The following TENM2 variants were observed in gnomAD, a reference collection of about 807,000 sequenced individuals.
TENM2 encodes the protein teneurin transmembrane protein 2.
A neutral mutation model predicts 245.2 loss-of-function variants in TENM2; 52 were observed. The observed-to-expected ratio is 0.21, with a 90% CI of 0.17 to 0.27. The LOEUF (loss-of-function observed/expected upper bound fraction) is 0.27, where lower values mean the gene tolerates loss of function less well. TENM2 is among the 10% of genes least tolerant of loss of function. The probability of loss-of-function intolerance (pLI) is 1.00; values close to 1 mark genes in which losing one functional copy is unlikely to be tolerated. For synonymous variants in TENM2, 1,363 were observed against 1,438.9 expected, an observed-to-expected ratio of 0.95 and a Z score of 1.19; for missense variants, 3,046 against 3,666.8, an observed-to-expected ratio of 0.83 and a Z score of 4.37.
chr5:167,073,313 C>A, the TENM2 span, among the ~76,000 whole-genome samples: 3 of 152,254 alleles, frequency 2.0e-5, no homozygotes, highest in South Asian at 6.2e-4. Context: ...GTGGAGCACT[C>A]CTGTAAAGCC....
chr5:167,337,031 G>A (rs1757807074), intron 1 of TENM2, among the ~76,000 whole-genome samples: 1 of 145,044 alleles, frequency 6.9e-6, no homozygotes, highest in African/African-American at 2.5e-5. Flanking sequence ...GCAGGAGAAT[G>A]GCGTGAACCC....
At chr5:167,009,920 A>T in the TENM2 span, among the ~76,000 whole-genome samples, 1 of 152,224 alleles carries the variant, frequency 6.6e-6, no homozygotes, top group Non-Finnish European at 1.5e-5. Flanking sequence ...TACACTTCTT[A>T]AATGGGTAAG....
the TENM2 span, among the ~76,000 whole-genome samples, chr5:167,162,275 G>A: frequency 2.0e-5 from 3 of 151,748 alleles, no homozygotes; most frequent in Non-Finnish European, 4.4e-5. Context: ...TTGAGAATAT[G>A]TTATATTCTC....
chr5:167,413,551 C>T (rs1253867569), intron 2 of TENM2, among the ~76,000 whole-genome samples: 1 of 152,130 alleles, frequency 6.6e-6, no homozygotes, highest in African/African-American at 2.4e-5. Flanking sequence ...CTTTAAGGCT[C>T]ACATACCTGA....
At chr5:167,989,907 C>T (rs573623132) in intron 4 of TENM2, among the ~76,000 whole-genome samples, 20 of 152,144 alleles carry the variant, frequency 1.3e-4, no homozygotes, top group South Asian at 4.2e-4. Context: ...CAATGCACAA[C>T]GGGATGTGGG....
the TENM2 span, among the ~76,000 whole-genome samples, chr5:167,257,274 A>G: frequency 1.0e-3 from 155 of 152,218 alleles, 3 homozygotes; most frequent in Non-Finnish European, 1.9e-3. Context: ...TGCTTGTTCT[A>G]CTAGATACAT....
chr5:168,034,808 A>G, intron 5 of TENM2, among the ~76,000 whole-genome samples: 1 of 152,118 alleles, frequency 6.6e-6, no homozygotes, highest in East Asian at 1.9e-4. Context: ...ATAGTATGAT[A>G]AAATGTCCAG....
the TENM2 span, among the ~76,000 whole-genome samples, chr5:167,276,075 T>A: frequency 6.6e-6 from 1 of 152,046 alleles, no homozygotes; most frequent in Non-Finnish European, 1.5e-5. Flanking sequence ...GTAATTGTGT[T>A]TATATATTAC....
chr5:167,273,639 G>A, the TENM2 span, among the ~76,000 whole-genome samples: 31 of 152,164 alleles, frequency 2.0e-4, no homozygotes, highest in Non-Finnish European at 3.7e-4. Flanking sequence ...CTAGCTTTTT[G>A]TGATCCTTTC....
chr5:167,276,494 T>C, the TENM2 span, among the ~76,000 whole-genome samples: 1 of 152,156 alleles, frequency 6.6e-6, no homozygotes, highest in South Asian at 2.1e-4. Flanking sequence ...TGAGTTGTCA[T>C]ATGAAATATT....
chr5:167,014,766 C>G, the TENM2 span, among the ~76,000 whole-genome samples: 1 of 152,180 alleles, frequency 6.6e-6, no homozygotes, highest in Non-Finnish European at 1.5e-5. Flanking sequence ...AGATTCAACG[C>G]TGCTTAGAGT....
At chr5:167,107,610 G>A in the TENM2 span, among the ~76,000 whole-genome samples, 52 of 152,268 alleles carry the variant, frequency 3.4e-4, no homozygotes, top group East Asian at 7.0e-3. Flanking sequence ...GGTTCCTCTC[G>A]CTTCCACTAG....
intron 2 of TENM2, among the ~76,000 whole-genome samples, chr5:167,846,184 G>T (rs1363997593): frequency 6.6e-6 from 1 of 152,172 alleles, no homozygotes; most frequent in Non-Finnish European, 1.5e-5. Context: ...CCTCACTGAA[G>T]TGTGGATTCC....
the TENM2 span, among the ~76,000 whole-genome samples, chr5:167,012,682 G>A: frequency 2.0e-5 from 3 of 152,136 alleles, no homozygotes; most frequent in African/African-American, 7.2e-5. Context: ...CCAACCAAAG[G>A]GAGATGTAGG....
chr5:167,879,089 T>C (rs1013596156), intron 3 of TENM2, among the ~76,000 whole-genome samples: 4 of 152,322 alleles, frequency 2.6e-5, no homozygotes, highest in African/African-American at 4.8e-5. Flanking sequence ...GAGGAGCACC[T>C]GTTCTATAGA....
chr5:168,040,833 G>A (rs1033601212), intron 5 of TENM2, among the ~76,000 whole-genome samples: 3 of 152,024 alleles, frequency 2.0e-5, no homozygotes, highest in Non-Finnish European at 4.4e-5. Context: ...AACTGACAAG[G>A]GAAAAAACAC....
At chr5:167,320,096 A>T in intron 1 of TENM2, among the ~76,000 whole-genome samples, 1 of 152,320 alleles carries the variant, frequency 6.6e-6, no homozygotes, top group Non-Finnish European at 1.5e-5. Context: ...TACTTCTATT[A>T]GTCCCACTTT....
chr5:167,438,984 G>A (rs1038477158), intron 2 of TENM2, among the ~76,000 whole-genome samples: 1 of 151,644 alleles, frequency 6.6e-6, no homozygotes, highest in Non-Finnish European at 1.5e-5. Context: ...TAGTAGAAAC[G>A]CGTTTCACTA....
At chr5:167,531,163 C>T (rs998288781) in intron 2 of TENM2, among the ~76,000 whole-genome samples, 17 of 152,048 alleles carry the variant, frequency 1.1e-4, no homozygotes, top group African/African-American at 4.1e-4. Context: ...ATGTTGTATT[C>T]CCCCCTTATA....
Sources: allele counts gnomAD v4.1 joint callset (sites outside exome capture counted in the v4.1 genomes callset), GRCh38; gene constraint gnomAD v4.1.1; transcripts MANE v1.5; gene names NCBI Gene and HGNC (gene_info 2026-07-23, HGNC 2026-07-21).